LONP1: variants seen among roughly 807,000 people sequenced by gnomAD.
The protein encoded by LONP1 is lon protease homolog, mitochondrial.
In LONP1, 31 loss-of-function variants were observed where a neutral mutation model predicts 98.5. The ratio of observed to expected loss-of-function variants is 0.31; its 90% CI spans 0.24 to 0.42. LONP1 has a LOEUF of 0.42. Among genes scored for constraint, LONP1 ranks in the 20% least tolerant of loss-of-function variants. The pLI, the probability that LONP1 is intolerant of heterozygous loss-of-function variation, is 1.00. For synonymous variants in LONP1, 781 were observed against 594.7 expected (o/e 1.31, Z -4.56); for missense variants, 1,336 against 1,350.6 (o/e 0.99, Z 0.17).
intron 1 of LONP1, among the ~76,000 whole-genome samples, chr19:5,718,928 A>G (rs2055373025): frequency 6.6e-6 from 1 of 152,150 alleles, no homozygotes; most frequent in Non-Finnish European, 1.5e-5. Context: ...AACACACTGA[A>G]TAACCCACCT....
At chr19:5,716,226 T>C (rs948095157) in intron 1 of LONP1, among the ~76,000 whole-genome samples, 7 of 138,566 alleles carry the variant, frequency 5.1e-5, no homozygotes, top group Non-Finnish European at 9.2e-5. Flanking sequence ...TTGAAGTTTT[T>C]AATTCTTTAT....
chr19:5,691,974 G>T lies in LONP1; in HGVS notation c.*58C>A. The T allele has an allele frequency of 3.4e-6, 3 of 893,240 alleles. No homozygotes were observed. The highest frequency in any genetic ancestry group is 1.8e-5 in the South Asian group (1 of 56,010). The allele number at this position is 893,240 out of a possible 1,614,324, so 55.3% of individuals were successfully genotyped here. ...CAGGTCCGGGCGCGCTCCCCACAGC[G>T]CTCAGTTCTGGCCCAGACAGGGCCT... On this transcript the variant is annotated 3_prime_UTR_variant, in exon 18 of 18. Coordinates refer to ENST00000360614, the MANE Select transcript of LONP1 (RefSeq NM_004793.4).
chr19:5,696,751 G>A lies in LONP1; in HGVS notation c.1692C>T (p.Thr564=), dbSNP rs750112967. 5.6e-6 allele frequency: 9 copies of A among 1,612,408 alleles called. No homozygotes were observed. Among genetic ancestry groups the A allele is most frequent in the Non-Finnish European group, 6.8e-6 (8 of 1,179,188 alleles). ...TCTTCCCGGGCATGGCGCCCACGTA[G>A]GTCCGCCTGTGGGTGCACAGCGGGG... The part of the protein sequence containing the change: ...DVAEIKGHRR[T]YVGAMPGKII... The change falls in exon 11 of 18, where the codon ACC becomes ACT. Residue 564 remains threonine, a synonymous_variant. Transcript: ENST00000360614.
At chr19:5,698,120 CCCACCTCCT>C (rs758827113) in intron 10 of LONP1, among the ~76,000 whole-genome samples, 16 of 151,460 alleles carry the variant, frequency 1.1e-4, no homozygotes, top group Non-Finnish European at 2.2e-4. Context: ...CTGCACTGGC[CCCACCTCCT>C]CCAGCTCCTC....
intron 4 of LONP1, 65 bp from the exon 5 acceptor site, chr19:5,708,468 G>GGGGGGGGGGGGGGGA: frequency 7.3e-6 from 4 of 551,262 alleles, no homozygotes; most frequent in East Asian, 4.7e-5. Context: ...GGCTGGGTGG[G>GGGGGGGGGGGGGGGA]AGCATGGCCC....
intron 8 of LONP1, among the ~76,000 whole-genome samples, chr19:5,701,982 C>CCCGT (rs1555711174): frequency 8.1e-4 from 123 of 151,024 alleles, no homozygotes; most frequent in African/African-American, 2.9e-3. Flanking sequence ...GCCCGGCAGC[C>CCCGT]CTGAGAAGTG....
intron 7 of LONP1, among the ~76,000 whole-genome samples, 183 bp downstream of exon 7, chr19:5,706,877 A>G (rs1393392201): frequency 3.3e-5 from 5 of 152,224 alleles, no homozygotes; most frequent in African/African-American, 1.2e-4. Flanking sequence ...TTCAACGCGG[A>G]GAGTTCCACA....
At chr19:5,692,678 G>T (rs1480277169) in intron 17 of LONP1, among the ~76,000 whole-genome samples, 1 of 152,186 alleles carries the variant, frequency 6.6e-6, no homozygotes, top group East Asian at 1.9e-4. Flanking sequence ...AAGGACAGCA[G>T]TTCCCACTGT....
At chr19:5,700,765 C>G in intron 9 of LONP1, 24 bp downstream of exon 9, 2 of 1,613,646 alleles carry the variant, frequency 1.2e-6, no homozygotes, top group South Asian at 2.2e-5. Flanking sequence ...TGCAAATCCA[C>G]AACAGGCCAG....
rs569007289 is a variant in LONP1 at position 5,694,151 on chromosome 19, G to A, written c.2320+236C>T. Among the ~76,000 whole-genome samples the A allele has an allele frequency of 8.5e-5, 13 of 152,286 alleles. No individual in the cohort carries two copies. The South Asian group carries it at 2.5e-3, about 29-fold the overall frequency. On this transcript the variant is annotated intron_variant, in intron 15 of 17. Transcript: ENST00000360614. The stretch of plus-strand genomic sequence containing the variant: ...CATCTGGATGAGCTTGTCCTTACCT[G>A]TAAGCCTATCAAAGTGGCACCCAAA...
Position 5,720,040 on chromosome 19 carries a change from AACCCGCCCCCCGGCGGCGGCCAGC to A in LONP1, c.69_92del (p.Met23_Val31delinsIle). ...GCAACCACGCTCCTGCTGCAGTGGG[AACCCGCCCCCCGGCGGCGGCCAGC>A]ATCGGCCGCCGCAGCACCCAGCACC... On this transcript the variant is annotated inframe_deletion, in exon 1 of 18. Transcript: ENST00000360614. The A allele has an allele frequency of 1.9e-6, 3 of 1,549,942 alleles. No homozygotes were observed. Among genetic ancestry groups the A allele is most frequent in the Non-Finnish European group, 2.6e-6 (3 of 1,151,644 alleles).
intron 1 of LONP1, among the ~76,000 whole-genome samples, chr19:5,719,206 ATT>A (rs763150655): frequency 4.6e-5 from 7 of 152,112 alleles, no homozygotes; most frequent in Non-Finnish European, 8.8e-5. Context: ...AAAGGCAGAA[ATT>A]TTTGTCTGTT....
intron 8 of LONP1, among the ~76,000 whole-genome samples, chr19:5,703,891 G>A (rs976246060): frequency 1.3e-5 from 2 of 152,206 alleles, no homozygotes; most frequent in African/African-American, 2.4e-5. Context: ...TGCTTCTGCA[G>A]GACAAGGCCC....
intron 9 of LONP1, among the ~76,000 whole-genome samples, chr19:5,699,862 A>C (rs2055009937): frequency 6.7e-6 from 1 of 149,886 alleles, no homozygotes; most frequent in South Asian, 2.1e-4. Flanking sequence ...CCAGGCTCTG[A>C]CTCCTGTTTT....
At chr19:5,706,914 C>A in intron 7 of LONP1, 146 bp downstream of exon 7, 2 of 651,212 alleles carry the variant, frequency 3.1e-6, no homozygotes, top group Non-Finnish European at 5.5e-6. Context: ...CAGATGATGG[C>A]ACGAAGCCCT....
intron 2 of LONP1, among the ~76,000 whole-genome samples, chr19:5,713,637 C>G (rs2055271367): frequency 6.6e-6 from 1 of 152,218 alleles, no homozygotes; most frequent in African/African-American, 2.4e-5. Context: ...TCTCAGCTCA[C>G]TGCAACCTCC....
chr19:5,702,713 C>T (rs2055076704), intron 8 of LONP1, among the ~76,000 whole-genome samples: 2 of 151,938 alleles, frequency 1.3e-5, no homozygotes, highest in Non-Finnish European at 2.9e-5. Context: ...GATCGGTGAC[C>T]TTACCCCCAA....
At chr19:5,698,975 C>A in intron 10 of LONP1, 52 bp downstream of exon 10, 1 of 1,524,678 alleles carries the variant, frequency 6.6e-7, no homozygotes, top group Admixed American at 2.0e-5. Context: ...AGACGAAGCC[C>A]GGCAGCACAG....
intron 9 of LONP1, 116 bp downstream of exon 9, chr19:5,700,673 C>T (rs1599457659): frequency 7.0e-7 from 1 of 1,423,190 alleles, no homozygotes; most frequent in East Asian, 2.5e-5. Flanking sequence ...CGACCAGCAC[C>T]CCCAGGCCTA....
Sources: gnomAD v4.1 joint callset for allele counts (sites outside exome capture counted in the v4.1 genomes callset) on GRCh38, gnomAD v4.1.1 for gene constraint, MANE v1.5 for transcripts, NCBI Gene and HGNC (gene_info 2026-07-23, HGNC 2026-07-21) for gene names.